The following FANCM variants were observed in gnomAD, a reference collection of about 807,000 sequenced individuals.
FANCM encodes the protein Fanconi anemia group M protein.
In FANCM, 140 loss-of-function variants were observed where a neutral mutation model predicts 199.5. The observed-to-expected ratio is 0.70, with a 90% CI of 0.61 to 0.81. FANCM has a LOEUF of 0.81. Among genes scored for constraint, FANCM ranks in the 30% least tolerant of loss-of-function variants. The pLI is 0.00. For missense variants in FANCM, 2,410 were observed against 2,421.4 expected (o/e 1.00, Z 0.10); for synonymous variants, 840 against 836.8 (o/e 1.00, Z -0.07).
At chr14:45,187,092 A>T (rs1889447375) in intron 18 of FANCM, among the ~76,000 whole-genome samples, 1 of 152,172 alleles carries the variant, frequency 6.6e-6, no homozygotes, top group East Asian at 1.9e-4. Flanking sequence ...AACAAGAAGG[A>T]CATATTTGCT....
In FANCM at chr14:45,175,820, C is replaced by T. The variant is rs1444147003; in HGVS notation, c.3066C>T (p.Phe1022=). 1 of 1,613,868 alleles carries T rather than the reference C, an allele frequency of 6.2e-7. No homozygotes were observed. ...GTACTGCACTTGAGAATTTGCTTTT[C>T]TTACCCTGTGCAGAGCATTTACGAA... ...AKGTALENLL[F]LPCAEHLRSD... The change falls in exon 14 of 23, where the codon TTC becomes TTT. Residue 1022 remains phenylalanine (F), a synonymous_variant. Transcript: ENST00000267430.
intron 3 of FANCM, among the ~76,000 whole-genome samples, chr14:45,146,516 A>C (rs769757216): frequency 4.0e-5 from 6 of 151,508 alleles, no homozygotes; most frequent in African/African-American, 1.5e-4. Context: ...ATTCTATCCT[A>C]TCTCTGGTTT....
chr14:45,147,845 A>G (rs960740890), intron 3 of FANCM, among the ~76,000 whole-genome samples: 1 of 149,902 alleles, frequency 6.7e-6, no homozygotes, highest in East Asian at 2.0e-4. Context: ...ATAACCTGAG[A>G]TAGATTGTGC....
At chr14:45,137,333 ATAT>A (rs2139107735) in intron 2 of FANCM, 92 bp downstream of exon 2, 1 of 986,952 alleles carries the variant, frequency 1.0e-6, no homozygotes, top group South Asian at 1.3e-5. Flanking sequence ...GTTATTGACA[ATAT>A]TATTATAAAA....
chr14:45,157,807 C>G (rs1232011033), intron 8 of FANCM, among the ~76,000 whole-genome samples: 1 of 152,192 alleles, frequency 6.6e-6, no homozygotes, highest in African/African-American at 2.4e-5. Flanking sequence ...TTTAATAAGT[C>G]ATTTATTCCT....
chr14:45,185,547 C>A (rs1889348071), intron 18 of FANCM, among the ~76,000 whole-genome samples, 174 bp downstream of exon 18: 1 of 152,044 alleles, frequency 6.6e-6, no homozygotes, highest in South Asian at 2.1e-4. Context: ...TTATTTTAGA[C>A]TGATTGTTCA....
chr14:45,192,294 A>G (rs1042457156), intron 20 of FANCM, among the ~76,000 whole-genome samples: 1 of 152,226 alleles, frequency 6.6e-6, no homozygotes, highest in Non-Finnish European at 1.5e-5. Flanking sequence ...AGGCCCCTCC[A>G]ATGAAAAGCT....
Position 45,167,187 on chromosome 14 carries a change from C to A in FANCM, c.2002+24C>A, listed in dbSNP as rs749416127. ...TGGTAAATAAATTTTGCATTTGACACATGCATTTTTCCCCTGTTCTTACTT... is the reference window on the plus strand; with the variant it reads ...TGGTAAATAAATTTTGCATTTGACAAATGCATTTTTCCCCTGTTCTTACTT... On this transcript the variant is annotated intron_variant, in intron 11 of 22. Coordinates refer to ENST00000267430, the MANE Select transcript of FANCM (RefSeq NM_020937.4). 1.5e-5 allele frequency: 20 copies of A among 1,375,874 alleles called. No homozygotes were observed. In the South Asian group the frequency reaches 1.7e-4, roughly 12 times the overall value. The allele number at this position is 1,375,874 out of a possible 1,614,324, so 85.2% of individuals were successfully genotyped here.
chr14:45,172,332 G>C (rs1366270796), intron 12 of FANCM, among the ~76,000 whole-genome samples: 2 of 152,124 alleles, frequency 1.3e-5, no homozygotes, highest in Admixed American at 1.3e-4. Flanking sequence ...CTTTGCCTAA[G>C]CCAATGTCTA....
intron 11 of FANCM, among the ~76,000 whole-genome samples, chr14:45,168,315 T>G (rs565513026): frequency 6.6e-6 from 1 of 152,286 alleles, no homozygotes; most frequent in South Asian, 2.1e-4. Context: ...ATTTTGCCAA[T>G]TATTTGGTTA....
At chr14:45,147,607 T>G (rs1325517207) in intron 3 of FANCM, among the ~76,000 whole-genome samples, 1 of 152,120 alleles carries the variant, frequency 6.6e-6, no homozygotes, top group Non-Finnish European at 1.5e-5. Context: ...AGGCTTTCTA[T>G]TTTTGTTTGG....
chr14:45,188,027 C>T (rs1254364504), intron 19 of FANCM, 140 bp downstream of exon 19: 73 of 647,110 alleles, frequency 1.1e-4, no homozygotes, highest in East Asian at 7.0e-4. Flanking sequence ...TCAGGAAGCT[C>T]GACTAAATGG....
chr14:45,147,863 C>T (rs1257413772), intron 3 of FANCM, among the ~76,000 whole-genome samples: 1 of 147,664 alleles, frequency 6.8e-6, no homozygotes, highest in Admixed American at 6.8e-5. Flanking sequence ...TGCCATTGCA[C>T]TGCAGCCTGG....
At chr14:45,152,268 G>T (rs893017551) in intron 5 of FANCM, among the ~76,000 whole-genome samples, 2 of 152,112 alleles carry the variant, frequency 1.3e-5, no homozygotes, top group Non-Finnish European at 2.9e-5. Context: ...GACCTCAGGT[G>T]ATCTGCCTGT....
chr14:45,140,926 C>G lies in FANCM; in HGVS notation c.759+217C>G, dbSNP rs951379377. On this transcript the variant is annotated intron_variant, in intron 3 of 22. Coordinates refer to ENST00000267430, the MANE Select transcript of FANCM (RefSeq NM_020937.4). The stretch of plus-strand genomic sequence containing the variant: ...TGGTGGCACACATCTGTAGTCCCAG[C>G]TACTCCAGAGGCTGAGTCAGGAAGA... 2.0e-5 allele frequency among the ~76,000 whole-genome samples: 3 copies of G among 152,214 alleles called. No homozygotes were observed. The East Asian group carries it at 5.8e-4, about 29-fold the overall frequency.
chr14:45,175,514 G>A lies in FANCM; in HGVS notation c.2760G>A (p.Pro920=), dbSNP rs145506906. 5.2e-5 allele frequency: 84 copies of A among 1,612,470 alleles called. No individual in the cohort carries two copies. Among genetic ancestry groups the A allele is most frequent in the African/African-American group, 1.6e-4 (12 of 74,900 alleles). ...TTAATGAAAATGTTATTAAAGAACC[G>A]TGTGTGTTATTAACAGAGTGTCAGT... is the stretch of plus-strand genomic sequence containing the variant. ...CTINENVIKE[P]CVLLTECQFT... is the part of the protein sequence containing the mutation. Residue 920 remains proline (P), a synonymous_variant, in exon 14 of 23, where the codon CCG becomes CCA. Coordinates refer to ENST00000267430, the MANE Select transcript of FANCM (RefSeq NM_020937.4).
At chr14:45,141,651 A>T (rs1185158052) in intron 3 of FANCM, among the ~76,000 whole-genome samples, 1 of 144,854 alleles carries the variant, frequency 6.9e-6, no homozygotes, top group African/African-American at 2.6e-5. Flanking sequence ...GTGGAATGGC[A>T]TGACCTTGGC....
chr14:45,136,028 C>T lies in FANCM; in HGVS notation c.-4C>T. 6.2e-7 allele frequency: 1 copy of T among 1,613,084 alleles called. No homozygotes were observed. Among genetic ancestry groups the T allele is most frequent in the South Asian group, 1.1e-5 (1 of 91,070 alleles). On this transcript the variant is annotated 5_prime_UTR_variant, in exon 1 of 23. Transcript: ENST00000267430. ...GACAGAAGCCTTCGGTGGTTGTCGG[C>T]CTAATGAGCGGACGGCAAAGAACGC...
Position 45,187,858 on chromosome 14 carries a change from A to G in FANCM, c.4750A>G (p.Thr1584Ala). 1 of 1,540,520 alleles carries G rather than the reference A, an allele frequency of 6.5e-7. No homozygotes were observed. Among genetic ancestry groups the G allele is most frequent in the Non-Finnish European group, 9.0e-7 (1 of 1,113,108 alleles). ...MNNKYKMIHK[T>A]HKNINIFSQI... is the part of the protein sequence containing the mutation. The stretch of plus-strand genomic sequence containing the variant: ...CAATAAGTACAAAATGATTCATAAG[A>G]CACATAAAAACATAAACATTTTCTC... Residue 1584 changes from threonine (T) to alanine (A), a missense_variant, in exon 19 of 23, where the codon ACA becomes GCA. Transcript: ENST00000267430.
Sources: gnomAD v4.1 joint callset for allele counts (sites outside exome capture counted in the v4.1 genomes callset) on GRCh38, gnomAD v4.1.1 for gene constraint, MANE v1.5 for transcripts, NCBI Gene and HGNC (gene_info 2026-07-23, HGNC 2026-07-21) for gene names.